PDGFRL: variants seen among roughly 807,000 people sequenced by gnomAD.
PDGFRL encodes the protein platelet derived growth factor receptor like, also known as platelet-derived growth factor receptor-like protein.
In PDGFRL, 46 loss-of-function variants were observed where a neutral mutation model predicts 37.2. The ratio of observed to expected loss-of-function variants is 1.24; its 90% CI spans 0.98 to 1.58. PDGFRL has a LOEUF of 1.58. Among genes scored for constraint, PDGFRL ranks in the 40% most tolerant of loss-of-function variants. PDGFRL has a pLI of 0.00. For missense variants in PDGFRL, 692 were observed against 467.6 expected (o/e 1.48, Z -4.43); for synonymous variants, 251 against 184.3 (o/e 1.36, Z -2.93).
At position 17,589,507 on chromosome 8, in the gene PDGFRL, A is replaced by C; in HGVS notation, c.95A>C (p.Glu32Ala). 1 of 1,614,066 alleles carries C rather than the reference A, an allele frequency of 6.2e-7. No individual in the cohort carries two copies. Among genetic ancestry groups the C allele is most frequent in the East Asian group, 2.2e-5 (1 of 44,890 alleles). Residue 32 changes from glutamate to alanine, a missense_variant, in exon 2 of 6, where the codon GAA becomes GCA. Physicochemically the swap from Glu to Ala is moderately radical, Grantham distance 107. Transcript: ENST00000251630. ...CTTCCCAAGAACAAGCGTCCAAAAG[A>C]ACCAGGAGAGAATAGAATCAAACCT... ...QHLPKNKRPKEPGENRIKPTN... is the reference protein window; with the variant it reads ...QHLPKNKRPKAPGENRIKPTN...
chr8:17,609,634 TAAAAAAAAAAAAAAAAA>T (rs3040922), intron 2 of PDGFRL, among the ~76,000 whole-genome samples: 1 of 43,502 alleles, frequency 2.3e-5, no homozygotes, highest in Non-Finnish European at 4.0e-5. Flanking sequence ...TGAGACTCTG[TAAAAAAAAAAAAAAAAA>T]AAAAAAAAAA....
At chr8:17,635,940 T>C (rs990840260) in intron 5 of PDGFRL, among the ~76,000 whole-genome samples, 1 of 152,258 alleles carries the variant, frequency 6.6e-6, no homozygotes, top group Non-Finnish European at 1.5e-5. Flanking sequence ...TGTCTATTCA[T>C]GTCCTAAGCC....
chr8:17,586,255 G>C (rs575050637), intron 1 of PDGFRL, among the ~76,000 whole-genome samples: 8 of 152,294 alleles, frequency 5.3e-5, no homozygotes, highest in African/African-American at 1.9e-4. Flanking sequence ...CACCCAGCTG[G>C]AGATGAGGTT....
At chr8:17,616,909 T>C (rs1452858513) in intron 2 of PDGFRL, among the ~76,000 whole-genome samples, 2 of 152,148 alleles carry the variant, frequency 1.3e-5, no homozygotes, top group East Asian at 1.9e-4. Flanking sequence ...AGACAGGAAA[T>C]GGACCCCACT....
rs750427024 is a variant in PDGFRL, at chr8:17,639,328, TTTTA to T, written c.940-3266_940-3263del. ...CTATTTGTTGCCCGAATACCTTGGT[TTTTA>T]TTTATTTATTTATTTATTGTGTTTT... is the stretch of plus-strand genomic sequence containing the variant. On this transcript the variant is annotated intron_variant, in intron 5 of 5. Coordinates refer to ENST00000251630, the MANE Select transcript of PDGFRL (RefSeq NM_001372073.1). Among the ~76,000 whole-genome samples, 1,172 of 152,162 alleles carry T rather than the reference TTTTA, an allele frequency of 7.7e-3. 10 individuals are homozygous for T. Among genetic ancestry groups the T allele is most frequent in the Non-Finnish European group, 0.012 (824 of 67,996 alleles).
Position 17,628,665 on chromosome 8 carries a change from G to T in PDGFRL, c.684G>T (p.Lys228Asn). 6.2e-7 allele frequency: 1 copy of T among 1,614,192 alleles called. No individual in the cohort carries two copies. Among genetic ancestry groups the T allele is most frequent in the Non-Finnish European group, 8.5e-7 (1 of 1,180,002 alleles). ...ANGTDIVYDM[K>N]RGFVYLQPHS... is the part of the protein sequence containing the mutation. ...GAACGGACATTGTTTATGACATGAA[G>T]CGGGGCTTTGTGTATCTGCAACCTC... is the stretch of plus-strand genomic sequence containing the variant. The change falls in exon 4 of 6, where the codon AAG becomes AAT. Residue 228 changes from lysine (K) to asparagine (N), a missense_variant. Physicochemically the swap from Lys to Asn is moderately conservative, Grantham distance 94. Transcript: ENST00000251630.
chr8:17,639,153 C>T (rs1339560691), intron 5 of PDGFRL, among the ~76,000 whole-genome samples: 1 of 152,014 alleles, frequency 6.6e-6, no homozygotes, highest in Non-Finnish European at 1.5e-5. Flanking sequence ...TATGTTAGTC[C>T]TATTTGTTAG....
intron 5 of PDGFRL, among the ~76,000 whole-genome samples, chr8:17,639,705 A>C (rs180842025): frequency 6.6e-6 from 1 of 152,280 alleles, no homozygotes; most frequent in East Asian, 1.9e-4. Context: ...CACAGCTCTT[A>C]AGATTCTTTC....
intron 4 of PDGFRL, among the ~76,000 whole-genome samples, chr8:17,632,850 T>G (rs1804891073): frequency 6.6e-6 from 1 of 152,076 alleles, no homozygotes; most frequent in African/African-American, 2.4e-5. Flanking sequence ...AGCCTGCTGG[T>G]GTCTCCCTGC....
intron 5 of PDGFRL, among the ~76,000 whole-genome samples, chr8:17,636,228 A>T (rs756096936): frequency 1.3e-5 from 2 of 152,250 alleles, no homozygotes; most frequent in African/African-American, 2.4e-5. Flanking sequence ...GTTATCTTCT[A>T]GAATTTTTAT....
rs181953791 is a variant in PDGFRL at position 17,593,981 on chromosome 8, G to A, written c.353+4216G>A. 2.2e-3 allele frequency among the ~76,000 whole-genome samples: 328 copies of A among 152,170 alleles called. 4 individuals are homozygous for A. The highest frequency in any genetic ancestry group is 4.0e-3 in the Non-Finnish European group (270 of 68,020). On this transcript the variant is annotated intron_variant, in intron 2 of 5. Coordinates refer to ENST00000251630, the MANE Select transcript of PDGFRL (RefSeq NM_001372073.1). ...TGGTTGTATAATAGACCTCTAGACC[G>A]TTTTCATCTTGCATGGCCGAAACTA... is the stretch of plus-strand genomic sequence containing the variant.
chr8:17,639,190 T>G (rs890194966), intron 5 of PDGFRL, among the ~76,000 whole-genome samples: 3 of 152,220 alleles, frequency 2.0e-5, no homozygotes, highest in Admixed American at 1.3e-4. Context: ...CAGCAGATAC[T>G]TGGTTGGTGA....
intron 2 of PDGFRL, among the ~76,000 whole-genome samples, chr8:17,594,848 C>A (rs1258658678): frequency 6.6e-6 from 1 of 152,204 alleles, no homozygotes; most frequent in Non-Finnish European, 1.5e-5. Context: ...GCCTAGACTA[C>A]ATTTTTGTAA....
intron 2 of PDGFRL, among the ~76,000 whole-genome samples, chr8:17,613,477 A>T (rs1804462961): frequency 6.6e-6 from 1 of 152,084 alleles, no homozygotes; most frequent in East Asian, 1.9e-4. Context: ...CAGTGCCAAG[A>T]ATAGGACCTG....
rs1021412540 is a variant in PDGFRL at position 17,599,875 on chromosome 8, A to G, written c.353+10110A>G. Among the ~76,000 whole-genome samples the G allele has an allele frequency of 2.0e-5, 3 of 152,172 alleles. No homozygotes were observed. The East Asian group carries it at 5.8e-4, about 29-fold the overall frequency. On this transcript the variant is annotated intron_variant, in intron 2 of 5. Coordinates refer to ENST00000251630, the MANE Select transcript of PDGFRL (RefSeq NM_001372073.1). The stretch of plus-strand genomic sequence containing the variant: ...TTTTCCCTCCTAAGGCCAAAGCACT[A>G]TCCGTGCCCTGGATCTCATCTCTAC...
intron 2 of PDGFRL, 105 bp from the exon 3 acceptor site, chr8:17,620,946 A>C (rs1006278617): frequency 1.6e-5 from 10 of 618,360 alleles, no homozygotes; most frequent in Non-Finnish European, 2.3e-5. Context: ...ACATCGGAGA[A>C]AGATTGGGGC....
intron 3 of PDGFRL, among the ~76,000 whole-genome samples, chr8:17,625,201 G>C (rs138178176): frequency 0.022 from 2,765 of 127,648 alleles, 86 homozygotes; most frequent in African/African-American, 0.076. Flanking sequence ...TGCCAGATTG[G>C]AGTGCAGTGG....
At chr8:17,615,218 G>A (rs1038125488) in intron 2 of PDGFRL, among the ~76,000 whole-genome samples, 16 of 152,096 alleles carry the variant, frequency 1.1e-4, no homozygotes, top group African/African-American at 3.4e-4. Flanking sequence ...ATGGTTTAGT[G>A]TTGACTTAAT....
intron 5 of PDGFRL, among the ~76,000 whole-genome samples, chr8:17,639,813 A>G (rs1377177806): frequency 6.6e-6 from 1 of 152,162 alleles, no homozygotes; most frequent in Admixed American, 6.5e-5. Flanking sequence ...TTGTATTCAG[A>G]TGTGTAGCTC....
Sources: allele counts gnomAD v4.1 joint callset (sites outside exome capture counted in the v4.1 genomes callset), GRCh38; gene constraint gnomAD v4.1.1; transcripts MANE v1.5; gene names NCBI Gene and HGNC (gene_info 2026-07-23, HGNC 2026-07-21).